CCSER1: variants seen among roughly 807,000 people sequenced by gnomAD.
CCSER1 encodes the protein serine-rich coiled-coil domain-containing protein 1.
A neutral mutation model predicts 82.0 loss-of-function variants in CCSER1; 41 were observed. The ratio of observed to expected loss-of-function variants is 0.50; its 90% CI spans 0.39 to 0.65. The LOEUF (loss-of-function observed/expected upper bound fraction) is 0.65. CCSER1 is among the 30% of genes least tolerant of loss of function. The pLI is 0.00. For synonymous variants in CCSER1, 414 were observed against 383.9 expected (o/e 1.08, Z -0.92); for missense variants, 1,119 against 1,064.2 (o/e 1.05, Z -0.72).
At chr4:90,368,539 A>C (rs923078734) in intron 3 of CCSER1, among the ~76,000 whole-genome samples, 3 of 151,832 alleles carry the variant, frequency 2.0e-5, no homozygotes, top group Non-Finnish European at 4.4e-5. Context: ...TGGCTGACGC[A>C]GGAGGATCAC....
At chr4:90,365,168 C>A (rs1449802860) in intron 3 of CCSER1, among the ~76,000 whole-genome samples, 1 of 151,842 alleles carries the variant, frequency 6.6e-6, no homozygotes, top group African/African-American at 2.4e-5. Context: ...CTTTAGCCTA[C>A]AGCTAGTATT....
At chr4:90,434,517 A>G (rs909761325) in intron 4 of CCSER1, among the ~76,000 whole-genome samples, 1 of 152,198 alleles carries the variant, frequency 6.6e-6, no homozygotes, top group Non-Finnish European at 1.5e-5. Flanking sequence ...CTTCAAAAAT[A>G]TAACATTTGA....
intron 10 of CCSER1, among the ~76,000 whole-genome samples, chr4:91,487,862 A>T (rs1160725623): frequency 6.6e-6 from 1 of 152,016 alleles, no homozygotes; most frequent in Non-Finnish European, 1.5e-5. Flanking sequence ...ATAGTTTCAA[A>T]TTGTATATTT....
At position 90,643,669 on chromosome 4, in the gene CCSER1, C is replaced by A. The variant is rs576331202; in HGVS notation, c.1932+15437C>A. On this transcript the variant is annotated intron_variant, in intron 6 of 10. Coordinates refer to ENST00000509176, the MANE Select transcript of CCSER1 (RefSeq NM_001145065.2). ...TTATGATTTTCACAAAGTCTGAGGGCCACTAGTGAAACAAAGAAACTGGAT... is the reference window on the plus strand; with the variant it reads ...TTATGATTTTCACAAAGTCTGAGGGACACTAGTGAAACAAAGAAACTGGAT... Among the ~76,000 whole-genome samples, 9 of 152,206 alleles carry A rather than the reference C, an allele frequency of 5.9e-5. No homozygotes were observed. In the East Asian group the frequency reaches 9.6e-4, roughly 16 times the overall value.
chr4:90,921,711 G>A (rs910435563), intron 8 of CCSER1, among the ~76,000 whole-genome samples: 4 of 151,886 alleles, frequency 2.6e-5, no homozygotes, highest in African/African-American at 7.2e-5. Context: ...GAAGCATTTG[G>A]CAGCTATTTT....
intron 8 of CCSER1, among the ~76,000 whole-genome samples, chr4:90,909,697 G>T (rs1350200243): frequency 1.3e-5 from 2 of 152,020 alleles, no homozygotes; most frequent in African/African-American, 4.8e-5. Flanking sequence ...TCTTTACGAG[G>T]CCTTTCTTAA....
intron 1 of CCSER1, among the ~76,000 whole-genome samples, chr4:90,133,004 A>G (rs919107444): frequency 1.3e-5 from 2 of 152,156 alleles, no homozygotes; most frequent in South Asian, 4.1e-4. Context: ...TTAAAATGCC[A>G]TATCTGGAGC....
chr4:91,569,401 ATTGT>A (rs1238976991), intron 10 of CCSER1, among the ~76,000 whole-genome samples: 1 of 152,102 alleles, frequency 6.6e-6, no homozygotes, highest in Non-Finnish European at 1.5e-5. Flanking sequence ...GGAGCTGAGG[ATTGT>A]TTGGTTGTCT....
chr4:90,169,834 T>C (rs556891651), intron 1 of CCSER1, among the ~76,000 whole-genome samples: 9 of 151,926 alleles, frequency 5.9e-5, no homozygotes, highest in Non-Finnish European at 1.2e-4. Flanking sequence ...CATGTACTTA[T>C]CTAGTGTCCC....
chr4:91,437,734 AG>A (rs1754766290), intron 10 of CCSER1, among the ~76,000 whole-genome samples: 1 of 152,218 alleles, frequency 6.6e-6, no homozygotes, highest in Admixed American at 6.5e-5. Context: ...AGTCAAAGAA[AG>A]GGGTGACAGA....
At chr4:90,864,053 A>AT (rs1765432197) in intron 8 of CCSER1, among the ~76,000 whole-genome samples, 1 of 147,734 alleles carries the variant, frequency 6.8e-6, no homozygotes, top group Non-Finnish European at 1.5e-5. Flanking sequence ...TCACTTTCTT[A>AT]TATCAGGGCT....
At chr4:90,604,133 G>T (rs1264277570) in intron 5 of CCSER1, among the ~76,000 whole-genome samples, 1 of 152,126 alleles carries the variant, frequency 6.6e-6, no homozygotes, top group African/African-American at 2.4e-5. Context: ...ACTATTGAGG[G>T]GTAGATGCCA....
At chr4:91,516,604 A>G (rs1015639730) in intron 10 of CCSER1, among the ~76,000 whole-genome samples, 6 of 152,106 alleles carry the variant, frequency 3.9e-5, no homozygotes, top group African/African-American at 1.2e-4. Flanking sequence ...TGTTTTGGTT[A>G]CTGTAGCCTT....
chr4:91,084,401 A>AG lies in CCSER1; in HGVS notation c.2173-1548dup, dbSNP rs1387079529. ...AATCTTCCTAGCAAATACATTTGGT[A>AG]GCTACTATATTTATTATCATTTTTC... On this transcript the variant is annotated intron_variant, in intron 9 of 10. Coordinates refer to ENST00000509176, the MANE Select transcript of CCSER1 (RefSeq NM_001145065.2). Among the ~76,000 whole-genome samples, 4 of 152,302 alleles carry AG rather than the reference A, an allele frequency of 2.6e-5. No individual in the cohort carries two copies. The East Asian group carries it at 7.7e-4, about 29-fold the overall frequency.
intron 8 of CCSER1, among the ~76,000 whole-genome samples, chr4:90,833,716 C>T (rs780521203): frequency 4.8e-4 from 73 of 152,128 alleles, no homozygotes; most frequent in Admixed American, 7.2e-4. Context: ...ATTAAACAAA[C>T]AAACCCTTTT....
intron 10 of CCSER1, among the ~76,000 whole-genome samples, chr4:91,486,628 A>T (rs541968955): frequency 6.6e-6 from 1 of 152,262 alleles, no homozygotes; most frequent in African/African-American, 2.4e-5. Flanking sequence ...AAAAAACACA[A>T]ATTTAAAAAT....
At chr4:91,492,730 A>G (rs183429869) in intron 10 of CCSER1, among the ~76,000 whole-genome samples, 1 of 152,204 alleles carries the variant, frequency 6.6e-6, no homozygotes, top group African/African-American at 2.4e-5. Context: ...AAGGCTTTTC[A>G]TGAATAATTT....
chr4:90,982,805 A>C (rs1197605074), intron 9 of CCSER1, among the ~76,000 whole-genome samples: 1 of 151,788 alleles, frequency 6.6e-6, no homozygotes, highest in Non-Finnish European at 1.5e-5. Context: ...GTGAGAAAAG[A>C]TATTCTCTAA....
At chr4:91,098,787 C>A (rs542988972) in intron 10 of CCSER1, among the ~76,000 whole-genome samples, 2 of 152,004 alleles carry the variant, frequency 1.3e-5, no homozygotes, top group Admixed American at 6.6e-5. Context: ...GTGATCTGCC[C>A]GCCTCGGCCT....
Sources: allele counts gnomAD v4.1 joint callset (sites outside exome capture counted in the v4.1 genomes callset), GRCh38; gene constraint gnomAD v4.1.1; transcripts MANE v1.5; gene names NCBI Gene and HGNC (gene_info 2026-07-23, HGNC 2026-07-21).